The following LY96 variants were observed in gnomAD, a reference collection of about 807,000 sequenced individuals.
LY96 encodes lymphocyte antigen 96, also known as myeloid differentiation protein-2.
LY96 carries 18 observed loss-of-function variants against 18.9 expected under a neutral mutation model. The observed-to-expected ratio is 0.95, with a 90% CI of 0.66 to 1.41. LY96 has a LOEUF of 1.41. LY96 is among the 40% of genes most tolerant of loss of function. The pLI, the probability that LY96 is intolerant of heterozygous loss-of-function variation, is 0.00. For missense variants in LY96, 175 were observed against 182.4 expected, an observed-to-expected ratio of 0.96 and a Z score of 0.23; for synonymous variants, 66 against 62.6, an observed-to-expected ratio of 1.06 and a Z score of -0.26.
At chr8:74,088,838 G>A in the LY96 span, among the ~76,000 whole-genome samples, 7 of 152,092 alleles carry the variant, frequency 4.6e-5, no homozygotes, top group African/African-American at 1.2e-4. Flanking sequence ...AGCCTGCCTC[G>A]GTCTCCCTAA....
chr8:74,083,915 G>A, the LY96 span, among the ~76,000 whole-genome samples: 27 of 151,602 alleles, frequency 1.8e-4, no homozygotes, highest in South Asian at 5.2e-3. Context: ...TAGAATTCCT[G>A]GGCTCAAATG....
At chr8:73,996,130 C>T (rs1452472559) in intron 1 of LY96, among the ~76,000 whole-genome samples, 28 of 152,166 alleles carry the variant, frequency 1.8e-4, no homozygotes, top group Non-Finnish European at 2.4e-4. Context: ...TGTGCCACTG[C>T]ACTCCAGTCT....
At chr8:74,029,875 G>C (rs920305588), downstream of LY96, among the ~76,000 whole-genome samples, 2 of 152,124 alleles carry the variant, frequency 1.3e-5, no homozygotes, top group Non-Finnish European at 2.9e-5. Context: ...GGTCAGGCTG[G>C]TCTTGAACTC....
chr8:74,025,466 C>A (rs557617402), intron 3 of LY96, among the ~76,000 whole-genome samples: 1 of 148,484 alleles, frequency 6.7e-6, no homozygotes, highest in East Asian at 2.1e-4. Context: ...ACCAGCCTGG[C>A]CAACATAGAG....
At chr8:74,090,887 A>T in the LY96 span, among the ~76,000 whole-genome samples, 1 of 152,234 alleles carries the variant, frequency 6.6e-6, no homozygotes, top group African/African-American at 2.4e-5. Context: ...AATGATAGAA[A>T]ATGCATCTCA....
At chr8:74,063,070 G>A in the LY96 span, among the ~76,000 whole-genome samples, 1 of 152,146 alleles carries the variant, frequency 6.6e-6, no homozygotes, top group East Asian at 1.9e-4. Context: ...GATGTCAGCT[G>A]GGTCATCTGA....
At chr8:74,081,110 TTTCTTTCTTTCTTTCC>T in the LY96 span, among the ~76,000 whole-genome samples, 1 of 140,814 alleles carries the variant, frequency 7.1e-6, no homozygotes, top group Non-Finnish European at 1.5e-5. Flanking sequence ...TCTTTCTTTC[TTTCTTTCTTTCTTTCC>T]TTCCTTCCTT....
chr8:74,079,614 A>G, the LY96 span: 1 of 152,218 alleles, frequency 6.6e-6, no homozygotes, highest in Admixed American at 6.5e-5. Flanking sequence ...CCAGGATGAC[A>G]CACAAATTTG....
chr8:74,093,879 T>C, the LY96 span, among the ~76,000 whole-genome samples: 1 of 152,220 alleles, frequency 6.6e-6, no homozygotes, highest in Admixed American at 6.5e-5. Flanking sequence ...TCTTGGTGTA[T>C]TTTTTGTTGT....
At chr8:74,062,058 G>T in the LY96 span, among the ~76,000 whole-genome samples, 1 of 152,100 alleles carries the variant, frequency 6.6e-6, no homozygotes, top group Non-Finnish European at 1.5e-5. Context: ...GATACTTTTT[G>T]CCAATTTTAT....
chr8:74,015,035 C>T lies in LY96; in HGVS notation c.331+4906C>T, dbSNP rs539857099. 1.1e-4 allele frequency among the ~76,000 whole-genome samples: 17 copies of T among 151,964 alleles called. No individual in the cohort carries two copies. In the South Asian group the frequency reaches 3.1e-3, roughly 28 times the overall value. The stretch of plus-strand genomic sequence containing the variant: ...CAGCCTGGGCAACATGGTAAAATGC[C>T]GTCTCTACCAAAAATACAAAAATTA... On this transcript the variant is annotated intron_variant, in intron 3 of 4. Transcript: ENST00000284818.
chr8:74,049,994 G>GA, the LY96 span, among the ~76,000 whole-genome samples: 2 of 151,828 alleles, frequency 1.3e-5, no homozygotes, highest in African/African-American at 4.8e-5. Context: ...CTCCAGCCTG[G>GA]GCAACAGAGC....
At chr8:74,088,846 T>C in the LY96 span, among the ~76,000 whole-genome samples, 1 of 152,138 alleles carries the variant, frequency 6.6e-6, no homozygotes, top group South Asian at 2.1e-4. Context: ...TCGGTCTCCC[T>C]AAGTGCTGGG....
the LY96 span, among the ~76,000 whole-genome samples, chr8:74,087,701 C>T: frequency 6.6e-6 from 1 of 152,190 alleles, no homozygotes; most frequent in Non-Finnish European, 1.5e-5. Context: ...GACTTCCTAA[C>T]AAGTCTAATG....
At chr8:74,039,668 C>T in the LY96 span, among the ~76,000 whole-genome samples, 379 of 152,132 alleles carry the variant, frequency 2.5e-3, 3 homozygotes, top group African/African-American at 5.6e-3. Flanking sequence ...TTTAGGTAGC[C>T]GAAGCAGAGA....
At chr8:74,070,551 T>C in the LY96 span, among the ~76,000 whole-genome samples, 1 of 152,202 alleles carries the variant, frequency 6.6e-6, no homozygotes, top group Non-Finnish European at 1.5e-5. Context: ...TTCTTCTTTT[T>C]GATGCTTATG....
chr8:74,086,811 TC>T, the LY96 span, among the ~76,000 whole-genome samples: 1 of 152,214 alleles, frequency 6.6e-6, no homozygotes, highest in Non-Finnish European at 1.5e-5. Context: ...CCTTGCTCCT[TC>T]CCCATGTGAG....
At chr8:74,084,580 A>G in the LY96 span, among the ~76,000 whole-genome samples, 1 of 152,086 alleles carries the variant, frequency 6.6e-6, no homozygotes, top group African/African-American at 2.4e-5. Context: ...CGCATCTGTA[A>G]TCCGGAATCT....
chr8:74,041,840 C>T, the LY96 span, among the ~76,000 whole-genome samples: 1 of 152,174 alleles, frequency 6.6e-6, no homozygotes, highest in Non-Finnish European at 1.5e-5. Context: ...TTCTGTTTTG[C>T]CTTTTGTCCT....
Sources: allele counts gnomAD v4.1 joint callset (sites outside exome capture counted in the v4.1 genomes callset), GRCh38; gene constraint gnomAD v4.1.1; transcripts MANE v1.5; gene names NCBI Gene and HGNC (gene_info 2026-07-23, HGNC 2026-07-21).